The following CLTC variants were observed in gnomAD, a reference collection of about 807,000 sequenced individuals.
CLTC encodes the protein clathrin heavy chain.
A neutral mutation model predicts 195.8 loss-of-function variants in CLTC; 16 were observed. The observed-to-expected ratio is 0.08, with a 90% CI of 0.06 to 0.12. The LOEUF is 0.12. CLTC is among the 10% of genes least tolerant of loss of function. The pLI is 1.00. For synonymous variants in CLTC, 667 were observed against 689.4 expected (o/e 0.97, Z 0.51); for missense variants, 796 against 2,027.0 (o/e 0.39, Z 11.66).
chr17:59,651,334 A>C lies in CLTC; in HGVS notation c.795+18A>C, dbSNP rs200081644. Reference sequence around the variant, plus strand: ...CAATGCAGGTATTTTAAGCAAAATAAATGACTTTTTAAAAATCTCTCCTCT... The same window carrying C: ...CAATGCAGGTATTTTAAGCAAAATACATGACTTTTTAAAAATCTCTCCTCT... On this transcript the variant is annotated intron_variant, in intron 5 of 31. Transcript: ENST00000269122. The C allele has an allele frequency of 9.1e-5, 141 of 1,543,298 alleles. No individual in the cohort carries two copies. In the African/African-American group the frequency reaches 1.8e-3, roughly 20 times the overall value.
chr17:59,647,923 T>C (rs1312343907), intron 3 of CLTC, among the ~76,000 whole-genome samples: 1 of 152,148 alleles, frequency 6.6e-6, no homozygotes, highest in Non-Finnish European at 1.5e-5. Context: ...TCTGTGGAGA[T>C]TGAGTAGAAA....
In CLTC at chr17:59,673,679, C is replaced by T. The variant is rs752631880; in HGVS notation, c.2325C>T (p.Ile775=). The change falls in exon 15 of 32, where the codon ATC becomes ATT. Residue 775 remains isoleucine, a synonymous_variant. Coordinates refer to ENST00000269122, the MANE Select transcript of CLTC (RefSeq NM_004859.4). ...EAKLTDQLPL[I]IVCDRFDFVH... The stretch of plus-strand genomic sequence containing the variant: ...AACTAACAGATCAGCTACCACTTAT[C>T]ATTGTGTGTGATCGATTTGACTTTG... 4 of 1,611,320 alleles carry T rather than the reference C, an allele frequency of 2.5e-6. No individual in the cohort carries two copies. The South Asian group carries it at 4.4e-5, about 18-fold the overall frequency.
intron 2 of CLTC, among the ~76,000 whole-genome samples, chr17:59,646,880 G>A (rs2032209906): frequency 1.3e-5 from 2 of 152,028 alleles, no homozygotes; most frequent in African/African-American, 4.8e-5. Context: ...CTTCTCTTAC[G>A]TGCTAGTGGC....
chr17:59,620,756 G>A (rs2031348270), intron 1 of CLTC, among the ~76,000 whole-genome samples: 1 of 152,160 alleles, frequency 6.6e-6, no homozygotes, highest in East Asian at 1.9e-4. Context: ...CCTTCCCTGA[G>A]GCAGTAGGGA....
chr17:59,620,436 A>G (rs1292072491), intron 1 of CLTC, among the ~76,000 whole-genome samples: 4 of 152,094 alleles, frequency 2.6e-5, no homozygotes, highest in Non-Finnish European at 5.9e-5. Context: ...TGCTTCCTGG[A>G]TGGCCAGAAC....
At chr17:59,693,361 T>C (rs1408624066) in intron 31 of CLTC, among the ~76,000 whole-genome samples, 2 of 8,208 alleles carry the variant, frequency 2.4e-4, no homozygotes, top group African/African-American at 4.4e-4. Context: ...AGCCAGATTC[T>C]TTTTTTTTTT....
At chr17:59,657,750 A>G (rs1197299828) in intron 6 of CLTC, among the ~76,000 whole-genome samples, 1 of 150,106 alleles carries the variant, frequency 6.7e-6, no homozygotes, top group African/African-American at 2.5e-5. Context: ...CCTGGATGAC[A>G]GAGCAAGACT....
At chr17:59,691,562 T>G (rs1035437583) in intron 31 of CLTC, among the ~76,000 whole-genome samples, 1 of 151,024 alleles carries the variant, frequency 6.6e-6, no homozygotes, top group African/African-American at 2.4e-5. Context: ...AGGCAGAGGT[T>G]GCAGTGAGCC....
At chr17:59,647,256 T>G (rs888534525) in intron 2 of CLTC, 142 bp from the exon 3 acceptor site, 2 of 653,484 alleles carry the variant, frequency 3.1e-6, no homozygotes, top group South Asian at 4.0e-5. Context: ...AGCTGTTACC[T>G]CTTTAATGGT....
At position 59,660,466 on chromosome 17, in the gene CLTC, C is replaced by G; in HGVS notation, c.1045C>G (p.Leu349Val). The change falls in exon 7 of 32, where the codon CTG becomes GTG. Residue 349 changes from leucine (L) to valine (V), a missense_variant. By Grantham distance (32) the Leu-to-Val change is conservative. Transcript: ENST00000269122. ...TNVLQNPDLA[L>V]RMAVRNNLAG... ...TGTTCTACAAAATCCTGATTTGGCT[C>G]TGAGAATGGCTGTACGTAATAACTT... 1 of 1,614,146 alleles carries G rather than the reference C, an allele frequency of 6.2e-7. No individual in the cohort carries two copies. The highest frequency in any genetic ancestry group is 8.5e-7 in the Non-Finnish European group (1 of 1,180,012).
chr17:59,659,103 T>G (rs1567952676), intron 6 of CLTC, among the ~76,000 whole-genome samples: 1 of 152,216 alleles, frequency 6.6e-6, no homozygotes, highest in African/African-American at 2.4e-5. Flanking sequence ...CTATACTAAT[T>G]GCATATTGCT....
rs185599046 is a variant in CLTC at position 59,653,882 on chromosome 17, C to T, written c.796-1972C>T. 2.1e-3 allele frequency among the ~76,000 whole-genome samples: 323 copies of T among 150,942 alleles called. 2 individuals carry two copies. Among genetic ancestry groups the T allele is most frequent in the Middle Eastern group, 3.6e-3 (1 of 278 alleles). On this transcript the variant is annotated intron_variant, in intron 5 of 31. Transcript: ENST00000269122. Reference sequence around the variant, plus strand: ...CTGCCTCCTGGATTCAAGCGATTCTCATGCCTCAGCCTCCCGAGTAGCTGG... The same window carrying T: ...CTGCCTCCTGGATTCAAGCGATTCTTATGCCTCAGCCTCCCGAGTAGCTGG...
chr17:59,671,614 G>C (rs996940040), intron 14 of CLTC, among the ~76,000 whole-genome samples: 4 of 152,174 alleles, frequency 2.6e-5, no homozygotes, highest in African/African-American at 9.7e-5. Context: ...GCTCTCTGTA[G>C]AAAGCATATA....
At chr17:59,687,110 G>C (rs924924369) in intron 30 of CLTC, 9 of 638,776 alleles carry the variant, frequency 1.4e-5, no homozygotes, top group Admixed American at 6.3e-5. Context: ...CTACACTGCT[G>C]CTGCTGCTTT....
intron 4 of CLTC, among the ~76,000 whole-genome samples, chr17:59,650,662 T>G (rs540581358): frequency 9.2e-5 from 14 of 152,058 alleles, no homozygotes; most frequent in African/African-American, 3.1e-4. Flanking sequence ...TAATACAGAT[T>G]TATAGGAAGC....
intron 1 of CLTC, among the ~76,000 whole-genome samples, chr17:59,643,984 A>T (rs1418953952): frequency 1.3e-5 from 2 of 152,178 alleles, no homozygotes; most frequent in Admixed American, 1.3e-4. Context: ...CAAGAAACTC[A>T]ATTACCTCAA....
intron 2 of CLTC, chr17:59,645,996 A>T: frequency 1.2e-6 from 1 of 826,486 alleles, no homozygotes; most frequent in Non-Finnish European, 1.5e-6. Flanking sequence ...CACATTTCTT[A>T]ATGCTTTCTT....
At chr17:59,671,996 T>A (rs925626282) in intron 14 of CLTC, among the ~76,000 whole-genome samples, 5 of 152,128 alleles carry the variant, frequency 3.3e-5, no homozygotes, top group African/African-American at 1.2e-4. Context: ...CTTCCTTTGT[T>A]CCCTGCTGTA....
Position 59,682,567 on chromosome 17 carries a change from T to G in CLTC, c.3601-62T>G. ...CTTTCTCATTGTGAAGATATCAATT[T>G]GAAAAGAGGATTAAGCTCACACTAA... is the stretch of plus-strand genomic sequence containing the variant. On this transcript the variant is annotated intron_variant, in intron 22 of 31. Coordinates refer to ENST00000269122, the MANE Select transcript of CLTC (RefSeq NM_004859.4). The surrounding 1 kb of genome is among the most constrained non-coding windows in gnomAD (Gnocchi z 6.8). The G allele has an allele frequency of 2.5e-6, 4 of 1,587,988 alleles. No individual in the cohort carries two copies. The highest frequency in any genetic ancestry group is 3.4e-6 in the Non-Finnish European group (4 of 1,164,770).
Sources: allele counts gnomAD v4.1 joint callset (sites outside exome capture counted in the v4.1 genomes callset), GRCh38; gene constraint gnomAD v4.1.1; non-coding constraint Gnocchi (gnomAD v3.1); transcripts MANE v1.5; gene names NCBI Gene and HGNC (gene_info 2026-07-23, HGNC 2026-07-21).